The following PPM1E variants were observed in gnomAD, a reference collection of about 807,000 sequenced individuals.
PPM1E encodes the protein protein phosphatase 1E.
PPM1E carries 20 observed loss-of-function variants against 65.9 expected under a neutral mutation model. The ratio of observed to expected loss-of-function variants is 0.30; its 90% CI spans 0.21 to 0.44. The LOEUF (loss-of-function observed/expected upper bound fraction) is 0.44. Ranked by LOEUF, PPM1E falls within the 20% of genes least tolerant of loss-of-function variation. PPM1E has a pLI of 1.00. For missense variants in PPM1E, 713 were observed against 953.1 expected (o/e 0.75, Z 3.32); for synonymous variants, 352 against 374.9 (o/e 0.94, Z 0.70).
intron 1 of PPM1E, among the ~76,000 whole-genome samples, chr17:58,805,974 C>CAAAAAAAAAAAAAAAAAAAAAAAAAAA (rs1341289870): frequency 1.4e-5 from 1 of 74,022 alleles, no homozygotes; most frequent in Non-Finnish European, 2.5e-5. Context: ...AAAAAAAAAA[C>CAAAAAAAAAAAAAAAAAAAAAAAAAAA]AAAAAAAAAA....
At chr17:58,864,235 G>T (rs924901431) in intron 1 of PPM1E, among the ~76,000 whole-genome samples, 1 of 152,056 alleles carries the variant, frequency 6.6e-6, no homozygotes, top group African/African-American at 2.4e-5. Context: ...ATAAATATTA[G>T]CAGTTATTTC....
At chr17:58,841,194 A>G (rs1233754916) in intron 1 of PPM1E, among the ~76,000 whole-genome samples, 1 of 152,240 alleles carries the variant, frequency 6.6e-6, no homozygotes, top group Non-Finnish European at 1.5e-5. Context: ...AAATCTTTCC[A>G]TATGGAATAA....
intron 1 of PPM1E, among the ~76,000 whole-genome samples, chr17:58,888,252 TG>T (rs1199062221): frequency 6.6e-6 from 1 of 152,036 alleles, no homozygotes; most frequent in Non-Finnish European, 1.5e-5. Context: ...TCCATGGAAC[TG>T]GCTTTACAAT....
chr17:58,912,222 G>A (rs114349762), intron 1 of PPM1E, among the ~76,000 whole-genome samples: 2,897 of 152,232 alleles, frequency 0.019, 87 homozygotes, highest in African/African-American at 0.066. Context: ...AGAGCGGGAG[G>A]GCTGCTTGCA....
rs1227537526 is a variant in PPM1E at position 58,816,776 on chromosome 17, ATATATATATATATATATAT to A, written c.464+60317_464+60335del. Among the ~76,000 whole-genome samples the A allele has an allele frequency of 6.4e-3, 72 of 11,334 alleles. 5 individuals carry two copies. The highest frequency in any genetic ancestry group is 0.018 in the African/African-American group (49 of 2,662). The allele number at this position is 11,334 out of a possible 152,430, so 7.4% of individuals were successfully genotyped here. ...TATATATATATATATATATATATATATATATATATATATATATATTTTTTTTTTTTTTTTTTTGAGACAG... is the reference window on the plus strand; with the variant it reads ...TATATATATATATATATATATATATATTTTTTTTTTTTTTTTTTGAGACAG... On this transcript the variant is annotated intron_variant, in intron 1 of 6. Coordinates refer to ENST00000308249, the MANE Select transcript of PPM1E (RefSeq NM_014906.5).
chr17:58,813,781 A>G (rs1162932919), intron 1 of PPM1E, among the ~76,000 whole-genome samples: 1 of 152,232 alleles, frequency 6.6e-6, no homozygotes, highest in African/African-American at 2.4e-5. Flanking sequence ...TTCATTTGGA[A>G]GAGTTTCTGG....
chr17:58,937,071 C>T (rs963347689), intron 1 of PPM1E, among the ~76,000 whole-genome samples: 9 of 149,096 alleles, frequency 6.0e-5, no homozygotes, highest in Non-Finnish European at 1.3e-4. Context: ...CCGAGGTGGG[C>T]GGATCATGAG....
chr17:58,809,095 C>A (rs1308573486), intron 1 of PPM1E, among the ~76,000 whole-genome samples: 1 of 151,898 alleles, frequency 6.6e-6, no homozygotes, highest in East Asian at 1.9e-4. Flanking sequence ...AAAAGATTAA[C>A]AATTTTTTTT....
intron 1 of PPM1E, among the ~76,000 whole-genome samples, chr17:58,893,203 C>T (rs902238305): frequency 6.6e-6 from 1 of 152,108 alleles, no homozygotes; most frequent in Non-Finnish European, 1.5e-5. Context: ...TTGGAAGCAA[C>T]CAAGATGTCC....
chr17:58,902,378 G>A (rs1376617495), intron 1 of PPM1E, among the ~76,000 whole-genome samples: 2 of 151,544 alleles, frequency 1.3e-5, no homozygotes, highest in African/African-American at 4.8e-5. Flanking sequence ...TTTTCCTTCT[G>A]TAAGTTCTTC....
chr17:58,780,313 A>G (rs955675126), intron 1 of PPM1E, among the ~76,000 whole-genome samples: 1 of 152,236 alleles, frequency 6.6e-6, no homozygotes, highest in African/African-American at 2.4e-5. Flanking sequence ...GTTCGAGACC[A>G]GCCTGGGCAA....
At chr17:58,830,499 G>T (rs1039819291) in intron 1 of PPM1E, among the ~76,000 whole-genome samples, 1 of 151,394 alleles carries the variant, frequency 6.6e-6, no homozygotes, top group Non-Finnish European at 1.5e-5. Context: ...GTAGAGACGG[G>T]GTTTCACCAT....
chr17:58,975,720 T>C (rs1430405263), intron 6 of PPM1E, among the ~76,000 whole-genome samples: 1 of 152,152 alleles, frequency 6.6e-6, no homozygotes, highest in East Asian at 1.9e-4. Context: ...AAGGGCCTTA[T>C]GTGCGAGGCT....
chr17:58,980,257 T>C lies in PPM1E; in HGVS notation c.1494T>C (p.Ser498=). The C allele has an allele frequency of 6.2e-7, 1 of 1,614,134 alleles. No individual in the cohort carries two copies. Among genetic ancestry groups the C allele is most frequent in the Non-Finnish European group, 8.5e-7 (1 of 1,180,012 alleles). ...LRDMNKAVNV[S]EESDWTENSF... ...ACATGAACAAAGCTGTAAATGTTAG[T>C]GAGGAATCAGATTGGACAGAGAACT... Residue 498 remains serine (S), a synonymous_variant, in exon 7 of 7, where the codon AGT becomes AGC. Transcript: ENST00000308249. The surrounding 1 kb of genome is among the most constrained non-coding windows in gnomAD (Gnocchi z 4.7).
At chr17:58,775,863 G>A (rs951279236) in intron 1 of PPM1E, among the ~76,000 whole-genome samples, 2 of 130,478 alleles carry the variant, frequency 1.5e-5, no homozygotes, top group Non-Finnish European at 3.1e-5. Context: ...GCAGTGAGCC[G>A]AGATTGCGCC....
At chr17:58,866,233 A>T (rs1324349535) in intron 1 of PPM1E, among the ~76,000 whole-genome samples, 1 of 152,216 alleles carries the variant, frequency 6.6e-6, no homozygotes, top group Non-Finnish European at 1.5e-5. Flanking sequence ...CAAAGAAAGC[A>T]TGCAGTTTAT....
rs1317140519 is a variant in PPM1E, at chr17:58,923,106, C to CA, written c.465-32539dup. Among the ~76,000 whole-genome samples, 4 of 1,808 alleles carry CA rather than the reference C, an allele frequency of 2.2e-3. No homozygotes were observed. In the East Asian group the frequency reaches 0.029, roughly 13 times the overall value. The allele number at this position is 1,808 out of a possible 152,430, so 1.2% of individuals were successfully genotyped here. ...TTTGAGACCAGCCTGGCCAACATGG[C>CA]AAAACCCATCTCTACTAAAAATACA... On this transcript the variant is annotated intron_variant, in intron 1 of 6. Transcript: ENST00000308249.
At chr17:58,948,874 T>C (rs985440713) in intron 1 of PPM1E, among the ~76,000 whole-genome samples, 1 of 152,370 alleles carries the variant, frequency 6.6e-6, no homozygotes, top group Middle Eastern at 3.4e-3. Flanking sequence ...TCAGATAAGA[T>C]ACTTGATATG....
At chr17:58,937,892 A>AAAAAAAG (rs57965915) in intron 1 of PPM1E, among the ~76,000 whole-genome samples, 38,288 of 125,004 alleles carry the variant, frequency 0.31, 7,238 homozygotes, top group Middle Eastern at 0.41. Context: ...AAAAAAAAAA[A>AAAAAAAG]AAAGAAAGAA....
Sources: gnomAD v4.1 joint callset for allele counts (sites outside exome capture counted in the v4.1 genomes callset) on GRCh38, gnomAD v4.1.1 for gene constraint, Gnocchi (gnomAD v3.1) non-coding constraint, MANE v1.5 for transcripts, NCBI Gene and HGNC (gene_info 2026-07-23, HGNC 2026-07-21) for gene names.